The following EEPD1 variants were observed in gnomAD, a reference collection of about 807,000 sequenced individuals.
EEPD1 encodes the protein endonuclease/exonuclease/phosphatase family domain-containing protein 1.
EEPD1 carries 17 observed loss-of-function variants against 46.3 expected under a neutral mutation model. That is an observed-to-expected ratio of 0.37 (90% CI 0.25 to 0.55). The LOEUF (loss-of-function observed/expected upper bound fraction) is 0.55. EEPD1 is among the 20% of genes least tolerant of loss of function. The probability of loss-of-function intolerance (pLI) is 0.83; values close to 1 mark genes in which losing one functional copy is unlikely to be tolerated. For synonymous variants in EEPD1, 313 were observed against 315.6 expected (o/e 0.99, Z 0.09); for missense variants, 673 against 745.6 (o/e 0.90, Z 1.13).
At chr7:36,234,914 A>AGCCTCCAGCCCAGGCCTCCCCCATG (rs753107613) in intron 2 of EEPD1, among the ~76,000 whole-genome samples, 4 of 148,604 alleles carry the variant, frequency 2.7e-5, no homozygotes, top group African/African-American at 9.9e-5. Context: ...CCTCCCCCAC[A>AGCCTCCAGCCCAGGCCTCCCCCATG]GCCTCCAGCC....
At chr7:36,268,350 G>A (rs891537756) in intron 3 of EEPD1, among the ~76,000 whole-genome samples, 3 of 152,016 alleles carry the variant, frequency 2.0e-5, no homozygotes, top group East Asian at 1.9e-4. Flanking sequence ...TAGTGGAGAC[G>A]GGGTTTCACC....
intron 2 of EEPD1, among the ~76,000 whole-genome samples, chr7:36,233,501 A>G (rs1738959714): frequency 1.3e-5 from 2 of 152,224 alleles, no homozygotes; most frequent in Non-Finnish European, 2.9e-5. Context: ...AGACACCACA[A>G]ATGTAATTAT....
intron 6 of EEPD1, among the ~76,000 whole-genome samples, chr7:36,293,454 C>A (rs892670736): frequency 1.3e-5 from 2 of 152,104 alleles, no homozygotes; most frequent in African/African-American, 2.4e-5. Flanking sequence ...ACCGGAGATG[C>A]TAAATCAGAA....
intron 2 of EEPD1, among the ~76,000 whole-genome samples, chr7:36,177,554 A>G (rs1483388140): frequency 6.6e-6 from 1 of 152,168 alleles, no homozygotes; most frequent in African/African-American, 2.4e-5. Context: ...CACTTAGGAT[A>G]ATGGCTTCCA....
rs865803865 is a variant in EEPD1 at position 36,295,941 on chromosome 7, G to T, written c.1316-1052G>T. ...AGCTACTCAGGAGGCTGAGGCAGGA[G>T]AATCGCTTGAACCCAGGAGGCAGAG... On this transcript the variant is annotated intron_variant, in intron 6 of 7. Coordinates refer to ENST00000242108, the MANE Select transcript of EEPD1 (RefSeq NM_030636.3). Among the ~76,000 whole-genome samples, 99 of 136,898 alleles carry T rather than the reference G, an allele frequency of 7.2e-4. 1 individual carries two copies. In the Middle Eastern group the frequency reaches 0.022, roughly 31 times the overall value. The allele number at this position is 136,898 out of a possible 152,430, so 89.8% of individuals were successfully genotyped here.
chr7:36,276,379 C>T (rs1270144823), intron 3 of EEPD1, among the ~76,000 whole-genome samples: 1 of 152,132 alleles, frequency 6.6e-6, no homozygotes, highest in African/African-American at 2.4e-5. Context: ...AGAAACAAAT[C>T]GAGCTCATTG....
intron 2 of EEPD1, among the ~76,000 whole-genome samples, chr7:36,196,692 A>G (rs1194327685): frequency 1.3e-5 from 2 of 152,236 alleles, no homozygotes; most frequent in Non-Finnish European, 2.9e-5. Context: ...GGGATTGCAG[A>G]CAGAGTCTCG....
chr7:36,235,615 A>G (rs1217773639), intron 2 of EEPD1, among the ~76,000 whole-genome samples: 1 of 152,232 alleles, frequency 6.6e-6, no homozygotes, highest in East Asian at 1.9e-4. Context: ...CATAGCAATC[A>G]TGGATCCTTG....
intron 3 of EEPD1, among the ~76,000 whole-genome samples, chr7:36,266,323 A>G (rs570637767): frequency 6.6e-6 from 1 of 152,308 alleles, no homozygotes; most frequent in South Asian, 2.1e-4. Context: ...TGGGCTGTGC[A>G]TTCCTCTCCT....
At chr7:36,165,778 G>A (rs78381294) in intron 2 of EEPD1, among the ~76,000 whole-genome samples, 16,270 of 151,670 alleles carry the variant, frequency 0.11, 1,061 homozygotes, top group African/African-American at 0.18. Context: ...TTGTTAAACG[G>A]TACATGATTG....
At chr7:36,238,959 T>G (rs1400661168) in intron 2 of EEPD1, 26 bp from the exon 3 acceptor site, 2 of 1,600,702 alleles carry the variant, frequency 1.2e-6, no homozygotes, top group Non-Finnish European at 1.7e-6. Context: ...TGTTTTCAAG[T>G]GTGGTTTTGA....
chr7:36,222,760 A>G (rs2115748997), intron 2 of EEPD1, among the ~76,000 whole-genome samples: 1 of 152,266 alleles, frequency 6.6e-6, no homozygotes, highest in Non-Finnish European at 1.5e-5. Flanking sequence ...ACTTGGTGGA[A>G]GGAGCAAAGC....
intron 2 of EEPD1, among the ~76,000 whole-genome samples, chr7:36,166,231 A>G (rs1300766524): frequency 6.6e-6 from 1 of 152,230 alleles, no homozygotes; most frequent in African/African-American, 2.4e-5. Context: ...GTTGATTTGT[A>G]ATTGTTTGTG....
At chr7:36,203,656 C>T (rs1298648895) in intron 2 of EEPD1, among the ~76,000 whole-genome samples, 1 of 152,204 alleles carries the variant, frequency 6.6e-6, no homozygotes, top group South Asian at 2.1e-4. Context: ...CCCTTGTCTG[C>T]AGGAGCTAAA....
Position 36,301,522 on chromosome 7 carries a change from A to C in EEPD1, c.*2316A>C, listed in dbSNP as rs949801206. On this transcript the variant is annotated 3_prime_UTR_variant, in exon 8 of 8. Coordinates refer to ENST00000242108, the MANE Select transcript of EEPD1 (RefSeq NM_030636.3). Reference sequence around the variant, plus strand: ...GTGTTCATAGTTTATATTAAAGTTCACTCTTTGTGTTGTGCATCCTATGGG... The same window carrying C: ...GTGTTCATAGTTTATATTAAAGTTCCCTCTTTGTGTTGTGCATCCTATGGG... The C allele has an allele frequency of 6.6e-6, 1 of 152,146 alleles. No homozygotes were observed. Among genetic ancestry groups the C allele is most frequent in the Non-Finnish European group, 1.5e-5 (1 of 68,034 alleles). The allele number at this position is 152,146 out of a possible 1,614,324, so 9.4% of individuals were successfully genotyped here. A position where few individuals can be genotyped will look rare whatever the true frequency, so the allele number is the denominator to read the frequency against.
At chr7:36,214,988 G>A (rs574991990) in intron 2 of EEPD1, among the ~76,000 whole-genome samples, 44 of 152,156 alleles carry the variant, frequency 2.9e-4, no homozygotes, top group Non-Finnish European at 5.4e-4. Flanking sequence ...CTGCACATGA[G>A]GTTCTGAGCC....
intron 3 of EEPD1, among the ~76,000 whole-genome samples, chr7:36,248,326 C>G (rs955842957): frequency 4.1e-4 from 63 of 151,854 alleles, no homozygotes; most frequent in African/African-American, 1.5e-3. Flanking sequence ...CCCCCTCAGC[C>G]TCCCGACTAG....
chr7:36,223,364 C>T (rs952981974), intron 2 of EEPD1, among the ~76,000 whole-genome samples: 2 of 151,956 alleles, frequency 1.3e-5, no homozygotes, highest in Non-Finnish European at 2.9e-5. Context: ...TTGAAATGGG[C>T]CTTGGTGGGA....
At chr7:36,234,763 G>T (rs575675388) in intron 2 of EEPD1, among the ~76,000 whole-genome samples, 1 of 152,274 alleles carries the variant, frequency 6.6e-6, no homozygotes, top group African/African-American at 2.4e-5. Flanking sequence ...AACCTGTGCG[G>T]GTTGCTGGAG....
Sources: allele counts gnomAD v4.1 joint callset (sites outside exome capture counted in the v4.1 genomes callset), GRCh38; gene constraint gnomAD v4.1.1; transcripts MANE v1.5; gene names NCBI Gene and HGNC (gene_info 2026-07-23, HGNC 2026-07-21).